Variants in AHNAK2 observed in about 807,000 individuals in gnomAD.
AHNAK2 encodes protein AHNAK2.
A neutral mutation model predicts 30.7 loss-of-function variants in AHNAK2; 18 were observed. The observed-to-expected ratio is 0.59, with a 90% confidence interval of 0.41 to 0.87. The LOEUF (loss-of-function observed/expected upper bound fraction) is 0.87, where lower values mean the gene tolerates loss of function less well. Among genes scored for constraint, AHNAK2 ranks in the 40% least tolerant of loss-of-function variants. The probability of loss-of-function intolerance (pLI) is 0.00; values close to 1 mark genes in which losing one functional copy is unlikely to be tolerated. For missense variants in AHNAK2, 8,604 were observed against 7,373.0 expected (o/e 1.17, Z -6.11); for synonymous variants, 3,590 against 3,073.8 (o/e 1.17, Z -5.56).
At chr14:104,970,006 C>T (rs1419080889) in intron 1 of AHNAK2, among the ~76,000 whole-genome samples, 4 of 152,104 alleles carry the variant, frequency 2.6e-5, no homozygotes, top group South Asian at 2.1e-4. Context: ...AGCAAGCACA[C>T]GGTCATCTGA....
chr14:104,962,765 G>T (rs1438088213), intron 1 of AHNAK2, among the ~76,000 whole-genome samples: 1 of 152,130 alleles, frequency 6.6e-6, no homozygotes, highest in African/African-American at 2.4e-5. Context: ...CCAACAGAAA[G>T]CAAAGTCTTT....
At position 104,942,037 on chromosome 14, in the gene AHNAK2, A is replaced by G; in HGVS notation, c.13414T>C (p.Ser4472Pro). 6.2e-7 allele frequency: 1 copy of G among 1,610,828 alleles called. No individual in the cohort carries two copies. The highest frequency in any genetic ancestry group is 8.5e-7 in the Non-Finnish European group (1 of 1,179,064). ...KFKMPKFKMP[S>P]FGMLSPGKSI... ...TTGCCTGGGGACAACATCCCAAAGG[A>G]TGGCATCTTGAACTTGGGCATTTTG... The change falls in exon 7 of 7, where the codon TCC becomes CCC. Residue 4472 changes from serine (S) to proline (P), a missense_variant. By Grantham distance (74) the Ser-to-Pro change is moderately conservative. Transcript: ENST00000333244.
chr14:104,952,007 T>G lies in AHNAK2; in HGVS notation c.3444A>C (p.Glu1148Asp), dbSNP rs55791176. 846,775 of 1,607,686 alleles carry G rather than the reference T, an allele frequency of 0.53. 228,681 individuals carry two copies. The highest frequency in any genetic ancestry group is 0.65 in the Middle Eastern group (3,946 of 6,044). ...AKLDSARLEG[E>D]LSLADKDVTA... ...TCACATCCTTGTCGGCCAGGGACAGTTCCCCCTCCAGCCGCGCACTGTCCA... is the reference window on the plus strand; with the variant it reads ...TCACATCCTTGTCGGCCAGGGACAGGTCCCCCTCCAGCCGCGCACTGTCCA... Residue 1148 changes from glutamate (E) to aspartate (D), a missense_variant, in exon 7 of 7, where the codon GAA (glutamate) becomes GAC (aspartate). Physicochemically the swap from Glu to Asp is conservative, Grantham distance 45. Transcript: ENST00000333244.
chr14:104,940,089 G>A lies in AHNAK2; in HGVS notation c.15362C>T (p.Pro5121Leu). The A allele has an allele frequency of 6.2e-7, 1 of 1,613,302 alleles. No individual in the cohort carries two copies. Among genetic ancestry groups the A allele is most frequent in the Non-Finnish European group, 8.5e-7 (1 of 1,179,884 alleles). ...GGTAGACAGATCATGTTTGGGAAGA[G>A]GCAGGTCAGCTTCAGGCTGGCTCAC... Reference protein sequence around the residue: ...VEVSQPEADLPLPKHDLSTEG... With the variant: ...VEVSQPEADLLLPKHDLSTEG... The change falls in exon 7 of 7, where the codon CCT becomes CTT. Residue 5121 changes from proline to leucine, a missense_variant. By Grantham distance (98) the Pro-to-Leu change is moderately conservative. Coordinates refer to ENST00000333244, the MANE Select transcript of AHNAK2 (RefSeq NM_138420.4). This position sits in a 1 kb window ranked among gnomAD's most constrained non-coding sequence, Gnocchi z 4.4.
chr14:104,972,393 G>C (rs113446133), intron 1 of AHNAK2, among the ~76,000 whole-genome samples: 64 of 152,328 alleles, frequency 4.2e-4, no homozygotes, highest in African/African-American at 1.2e-3. Flanking sequence ...AGGCAGGGCA[G>C]GGCTGGCTGA....
In AHNAK2 at chr14:104,946,870, T is replaced by G. The variant is rs181534063; in HGVS notation, c.8581A>C (p.Ile2861Leu). The change falls in exon 7 of 7, where the codon ATC becomes CTC. Residue 2861 changes from isoleucine to leucine, a missense_variant. Transcript: ENST00000333244. The stretch of plus-strand genomic sequence containing the variant: ...TGGGCGGAGGGGGGCTGAATGCGGA[T>G]GTCAGTGGTCTTAAGATCCCCTTGC... The part of the protein sequence containing the change: ...SMQGDLKTTD[I>L]RIQPPSAQLE... 7.7e-3 allele frequency: 12,330 copies of G among 1,611,428 alleles called. 105 individuals carry two copies. The highest frequency in any genetic ancestry group is 0.018 in the East Asian group (785 of 44,606).
chr14:104,968,317 C>A (rs1029648035), intron 1 of AHNAK2, among the ~76,000 whole-genome samples: 1 of 145,630 alleles, frequency 6.9e-6, no homozygotes, highest in Non-Finnish European at 1.5e-5. Context: ...GCTGCCTCCC[C>A]GAGAACTGGA....
intron 1 of AHNAK2, among the ~76,000 whole-genome samples, chr14:104,964,401 G>A (rs55862960): frequency 0.5 from 76,267 of 151,778 alleles, 20,855 homozygotes; most frequent in Non-Finnish European, 0.62. Flanking sequence ...GTCAGCTGGC[G>A]CAACCACTTG....
In AHNAK2 at chr14:104,945,504, G is replaced by A. The variant is rs185803383; in HGVS notation, c.9947C>T (p.Pro3316Leu). The A allele has an allele frequency of 1.2e-5, 19 of 1,612,862 alleles. No homozygotes were observed. Among genetic ancestry groups the A allele is most frequent in the African/African-American group, 5.4e-5 (4 of 74,690 alleles). ...GCCTGGGGCAGACGCCCTGTACGACGGCATCTTGAATTTGGGCATTTTGAA... is the reference window on the plus strand; with the variant it reads ...GCCTGGGGCAGACGCCCTGTACGACAGCATCTTGAATTTGGGCATTTTGAA... ...SKFKMPKFKM[P>L]SYRASAPGKS... is the part of the protein sequence containing the mutation. The change falls in exon 7 of 7, where the codon CCG (proline) becomes CTG (leucine). Residue 3316 changes from proline (P) to leucine (L), a missense_variant. Coordinates refer to ENST00000333244, the MANE Select transcript of AHNAK2 (RefSeq NM_138420.4).
chr14:104,967,599 C>T (rs34480613), intron 1 of AHNAK2, among the ~76,000 whole-genome samples: 11 of 152,236 alleles, frequency 7.2e-5, no homozygotes, highest in African/African-American at 2.7e-4. Context: ...CAGCCCCACC[C>T]TCAGCCACCG....
rs763574286 is a variant in AHNAK2, at chr14:104,953,881, C to A, written c.1570G>T (p.Gly524Cys). 5.0e-6 allele frequency: 8 copies of A among 1,614,008 alleles called. No individual in the cohort carries two copies. The highest frequency in any genetic ancestry group is 6.8e-6 in the Non-Finnish European group (8 of 1,179,896). ...GKRQDASSKA[G>C]TGLKGEEVEG... The stretch of plus-strand genomic sequence containing the variant: ...ACCTCCTCACCCTTCAGGCCAGTAC[C>A]CGCTTTTGAGGACGCATCCTGTCTC... Residue 524 changes from glycine to cysteine, a missense_variant, in exon 7 of 7, where the codon GGT (glycine) becomes TGT (cysteine). Physicochemically the swap from Gly to Cys is radical, Grantham distance 159. Transcript: ENST00000333244.
At position 104,946,233 on chromosome 14, in the gene AHNAK2, T is replaced by G; in HGVS notation, c.9218A>C (p.Lys3073Thr). 1 of 1,605,820 alleles carries G rather than the reference T, an allele frequency of 6.2e-7. No individual in the cohort carries two copies. The highest frequency in any genetic ancestry group is 1.7e-5 in the Admixed American group (1 of 59,332). Residue 3073 changes from lysine (K) to threonine (T), a missense_variant, in exon 7 of 7, where the codon AAA becomes ACA. By Grantham distance (78) the Lys-to-Thr change is moderately conservative (BLOSUM62 -1). Coordinates refer to ENST00000333244, the MANE Select transcript of AHNAK2 (RefSeq NM_138420.4). ...TATCTGGGGTCCCTTGCGATCTACT[T>G]TGGGCATCTTGAAACTGGGCATCTG... ...KLQMPSFKMP[K>T]VDRKGPQIDV...
chr14:104,953,969 A>G lies in AHNAK2; in HGVS notation c.1482T>C (p.Phe494=), dbSNP rs1010130879. 6.2e-7 allele frequency: 1 copy of G among 1,613,904 alleles called. No homozygotes were observed. ...CTGGCTCTTTTTCTGTGGAAAATGC[A>G]AATTTTGGTGTCTTTAAATCGTGTA... is the stretch of plus-strand genomic sequence containing the variant. ...VRVHDLKTPK[F]AFSTEKEPER... is the part of the protein sequence containing the mutation. The change falls in exon 7 of 7, where the codon TTT becomes TTC. Residue 494 remains phenylalanine (F), a synonymous_variant. Transcript: ENST00000333244.
rs372977245 is a variant in AHNAK2, at chr14:104,940,612, C to T, written c.14839G>A (p.Glu4947Lys). ...ATTTTCAAGGGACTCCCTTTCCCTT[C>T]GTGGTCAGCATCTTCAGAAGGGGCT... ...GEAPSEDADH[E>K]GKGSPLKMPK... Residue 4947 changes from glutamate (E) to lysine (K), a missense_variant, in exon 7 of 7, where the codon GAA becomes AAA. Physicochemically the swap from Glu to Lys is moderately conservative, Grantham distance 56. Coordinates refer to ENST00000333244, the MANE Select transcript of AHNAK2 (RefSeq NM_138420.4). This position sits in a 1 kb window ranked among gnomAD's most constrained non-coding sequence, Gnocchi z 4.4. 1.9e-5 allele frequency: 31 copies of T among 1,613,688 alleles called. No individual in the cohort carries two copies. In the East Asian group the frequency reaches 4.2e-4, roughly 22 times the overall value.
In AHNAK2 at chr14:104,945,002, G is replaced by A. The variant is rs370733503; in HGVS notation, c.10449C>T (p.Phe3483=). ...TGGACCTGCCTGGGGCCGACACCCC[G>A]AAGGAGGGCATCTTGAACTTGGGCA... ...FKMPKFKMPS[F]GVSAPGRSIE... is the part of the protein sequence containing the mutation. Residue 3483 remains phenylalanine, a synonymous_variant, in exon 7 of 7, where the codon TTC becomes TTT. Transcript: ENST00000333244. 86 of 1,612,650 alleles carry A rather than the reference G, an allele frequency of 5.3e-5. No individual in the cohort carries two copies. Among genetic ancestry groups the A allele is most frequent in the African/African-American group, 2.1e-4 (16 of 74,582 alleles).
Position 104,941,060 on chromosome 14 carries a change from C to T in AHNAK2, c.14391G>A (p.Val4797=), listed in dbSNP as rs937463790. 3.1e-6 allele frequency: 5 copies of T among 1,613,530 alleles called. No individual in the cohort carries two copies. Among genetic ancestry groups the T allele is most frequent in the East Asian group, 2.2e-5 (1 of 44,898 alleles). Residue 4797 remains valine (V), a synonymous_variant, in exon 7 of 7, where the codon GTG becomes GTA. Coordinates refer to ENST00000333244, the MANE Select transcript of AHNAK2 (RefSeq NM_138420.4). ...GGGCCAAGGCAGCTCTGGGAACAGT[C>T]ACCTGGTATTTTGTAAGTGTAACAT... ...CEDVTLTKYQ[V]TVPRAALAPE... is the part of the protein sequence containing the mutation.
intron 1 of AHNAK2, among the ~76,000 whole-genome samples, chr14:104,964,434 C>T (rs1899244402): frequency 6.6e-6 from 1 of 152,126 alleles, no homozygotes; most frequent in Admixed American, 6.5e-5. Flanking sequence ...TAGAGCCTTA[C>T]CCTGTGGCCC....
chr14:104,939,966 G>C lies in AHNAK2; in HGVS notation c.15485C>G (p.Ser5162Cys). The part of the protein sequence containing the change: ...APTPEDPLQP[S>C]CRKPDAEVLT... ...GACTTCAGCATCTGGTTTTCTACAG[G>C]ATGGCTGGAGGGGATCTTCAGGTGT... Residue 5162 changes from serine to cysteine, a missense_variant, in exon 7 of 7, where the codon TCC becomes TGC. By Grantham distance (112) the Ser-to-Cys change is moderately radical. Coordinates refer to ENST00000333244, the MANE Select transcript of AHNAK2 (RefSeq NM_138420.4). 6.2e-7 allele frequency: 1 copy of C among 1,612,034 alleles called. No individual in the cohort carries two copies. The highest frequency in any genetic ancestry group is 8.5e-7 in the Non-Finnish European group (1 of 1,179,890).
Position 104,940,702 on chromosome 14 carries a change from A to G in AHNAK2, c.14749T>C (p.Cys4917Arg). ...AGCTCTTCTGGGCCCTGAGACACACAGGTGCCTGGGGATGGCAGCTGGGTG... is the reference window on the plus strand; with the variant it reads ...AGCTCTTCTGGGCCCTGAGACACACGGGTGCCTGGGGATGGCAGCTGGGTG... ...PSTQLPSPGT[C>R]VSQGPEELVA... is the part of the protein sequence containing the mutation. The change falls in exon 7 of 7, where the codon TGT (cysteine) becomes CGT (arginine). Residue 4917 changes from cysteine to arginine, a missense_variant. Transcript: ENST00000333244. The surrounding 1 kb of genome is among the most constrained non-coding windows in gnomAD (Gnocchi z 4.4). 1.9e-6 allele frequency: 3 copies of G among 1,613,014 alleles called. No homozygotes were observed. The highest frequency in any genetic ancestry group is 1.1e-5 in the South Asian group (1 of 91,066).
Sources: allele counts gnomAD v4.1 joint callset (sites outside exome capture counted in the v4.1 genomes callset), GRCh38; gene constraint gnomAD v4.1.1; non-coding constraint Gnocchi (gnomAD v3.1); transcripts MANE v1.5; gene names NCBI Gene and HGNC (gene_info 2026-07-23, HGNC 2026-07-21).